CCL11: variants seen among roughly 807,000 people sequenced by gnomAD.
CCL11 encodes eotaxin.
Under a neutral mutation model 7.3 loss-of-function variants are expected in CCL11, and 7 were observed. The ratio of observed to expected loss-of-function variants is 0.96; its 90% CI spans 0.55 to 1.81. CCL11 has a LOEUF of 1.81. Among genes scored for constraint, CCL11 ranks in the 40% most tolerant of loss-of-function variants. The probability of loss-of-function intolerance (pLI) is 0.00; values close to 1 mark genes in which losing one functional copy is unlikely to be tolerated. For synonymous variants in CCL11, 66 were observed against 45.2 expected, an observed-to-expected ratio of 1.46 and a Z score of -1.84; for missense variants, 132 against 114.2, an observed-to-expected ratio of 1.16 and a Z score of -0.71.
intron 1 of CCL11, among the ~76,000 whole-genome samples, chr17:34,286,279 C>T (rs184000259): frequency 9.9e-5 from 15 of 152,208 alleles, no homozygotes; most frequent in South Asian, 2.1e-4. Flanking sequence ...AAGAGAAGAA[C>T]GAGGTCCCAG....
At position 34,285,879 on chromosome 17, in the gene CCL11, G is replaced by A; in HGVS notation, c.71G>A (p.Gly24Glu). 2 of 1,609,530 alleles carry A rather than the reference G, an allele frequency of 1.2e-6. No homozygotes were observed. Among genetic ancestry groups the A allele is most frequent in the Non-Finnish European group, 1.7e-6 (2 of 1,177,642 alleles). The change falls in exon 1 of 3, where the codon GGG becomes GAG. Residue 24 changes from glycine to glutamate, a missense_variant. Transcript: ENST00000305869. ...GCCTTCAGCCCCCAGGGGCTCGCTG[G>A]GCCAGGTAAGCCCCCCAACTCCTTA... is the stretch of plus-strand genomic sequence containing the variant. ...AAAFSPQGLA[G>E]PASVPTTCCF...
At chr17:34,285,909 AAAGGT>A in intron 1 of CCL11, 25 bp downstream of exon 1, 13 of 1,546,534 alleles carry the variant, frequency 8.4e-6, no homozygotes, top group Non-Finnish European at 1.2e-5. Context: ...TCCTTACAGG[AAAGGT>A]AAGGTAACCA....
At position 34,287,185 on chromosome 17, in the gene CCL11, A is replaced by T; in HGVS notation, c.166A>T (p.Lys56Ter). 1 of 1,613,438 alleles carries T rather than the reference A, an allele frequency of 6.2e-7. No homozygotes were observed. Among genetic ancestry groups the T allele is most frequent in the Non-Finnish European group, 8.5e-7 (1 of 1,179,388 alleles). ...GAGCTACAGGAGAATCACCAGTGGC[A>T]AATGTCCCCAGAAAGCTGTGATGTA... ...LESYRRITSG[K>*]CPQKAVIFKT... Residue 56 changes from lysine (K) to a stop codon, truncating the protein, a stop_gained, in exon 2 of 3, where the codon AAA becomes TAA. Transcript: ENST00000305869. LOFTEE classifies it low-confidence loss of function (END_TRUNC).
rs1429491045 is a variant in CCL11 at position 34,287,601 on chromosome 17, G to A, written c.205G>A (p.Ala69Thr). The A allele has an allele frequency of 3.7e-6, 6 of 1,613,446 alleles. No homozygotes were observed. The highest frequency in any genetic ancestry group is 1.3e-5 in the African/African-American group (1 of 74,882). ...QKAVIFKTKLAKDICADPKKK... is the reference protein window; with the variant it reads ...QKAVIFKTKLTKDICADPKKK... ...CTCCCACAGCTTCAAGACCAAACTG[G>A]CCAAGGATATCTGTGCCGACCCCAA... The change falls in exon 3 of 3, where the codon GCC becomes ACC. Residue 69 changes from alanine to threonine, a missense_variant. By Grantham distance (58) the Ala-to-Thr change is moderately conservative (BLOSUM62 0). Transcript: ENST00000305869.
chr17:34,286,472 A>G (rs571863770), intron 1 of CCL11, among the ~76,000 whole-genome samples: 1 of 152,350 alleles, frequency 6.6e-6, no homozygotes, highest in East Asian at 1.9e-4. Flanking sequence ...AATTAACTAA[A>G]TTAACAAAAG....
chr17:34,287,347 G>A (rs1908664880), intron 2 of CCL11, 140 bp downstream of exon 2: 1 of 680,356 alleles, frequency 1.5e-6, no homozygotes, highest in Non-Finnish European at 2.6e-6. Context: ...TTTCACAAGT[G>A]AGTGTTCACT....
intron 1 of CCL11, 145 bp from the exon 2 acceptor site, chr17:34,286,951 A>C (rs1908649675): frequency 8.4e-6 from 5 of 594,480 alleles, no homozygotes; most frequent in Admixed American, 2.6e-5. Context: ...GACACATAAG[A>C]CTTCAGAGCA....
chr17:34,287,083 C>T lies in CCL11; in HGVS notation c.77-13C>T, dbSNP rs1282793636. 3 of 1,576,690 alleles carry T rather than the reference C, an allele frequency of 1.9e-6. No individual in the cohort carries two copies. The highest frequency in any genetic ancestry group is 2.2e-5 in the East Asian group (1 of 44,650). On this transcript the variant is annotated splice_polypyrimidine_tract_variant and intron_variant, in intron 1 of 2. Coordinates refer to ENST00000305869, the MANE Select transcript of CCL11 (RefSeq NM_002986.3). The stretch of plus-strand genomic sequence containing the variant: ...ATTTTTTTCTCTGTTCATTTTTTTT[C>T]CCCAAAATTCAGCTTCTGTCCCAAC...
rs1339117925 is a variant in CCL11 at position 34,287,686 on chromosome 17, C to T, written c.290C>T (p.Pro97Leu). ...YLDQKSPTPK[P>L] is the part of the protein sequence containing the mutation. ...GACCAAAAATCTCCAACTCCAAAGC[C>T]ATAAATAATCACCATTTTTGAAACC... The change falls in exon 3 of 3, where the codon CCA becomes CTA. Residue 97 changes from proline to leucine, a missense_variant. Transcript: ENST00000305869. 6.2e-7 allele frequency: 1 copy of T among 1,606,044 alleles called. No homozygotes were observed. The highest frequency in any genetic ancestry group is 8.5e-7 in the Non-Finnish European group (1 of 1,172,844).
chr17:34,286,000 G>C lies in CCL11; in HGVS notation c.76+116G>C, dbSNP rs999167613. On this transcript the variant is annotated intron_variant, in intron 1 of 2. Coordinates refer to ENST00000305869, the MANE Select transcript of CCL11 (RefSeq NM_002986.3). ...CTCCATTTGAAAAATAGGGAAACAG[G>C]TTTTGTGGGTGGACAAGAAATGCCT... The C allele has an allele frequency of 1.4e-5, 10 of 698,102 alleles. No homozygotes were observed. In the African/African-American group the frequency reaches 1.8e-4, roughly 13 times the overall value. 43.2% of individuals were successfully genotyped at this position (698,102 alleles called of 1,614,324 possible). A position where few individuals can be genotyped will look rare whatever the true frequency, so the allele number is the denominator to read the frequency against.
rs1345202009 is a variant in CCL11 at position 34,285,845 on chromosome 17, A to C, written c.37A>C (p.Ile13Leu). 6.2e-7 allele frequency: 1 copy of C among 1,612,600 alleles called. No homozygotes were observed. Among genetic ancestry groups the C allele is most frequent in the East Asian group, 2.2e-5 (1 of 44,720 alleles). Reference sequence around the variant, plus strand: ...CGCAGCACTTCTGTGGCTGCTGCTCATAGCAGCTGCCTTCAGCCCCCAGGG... The same window carrying C: ...CGCAGCACTTCTGTGGCTGCTGCTCCTAGCAGCTGCCTTCAGCCCCCAGGG... ...VSAALLWLLL[I>L]AAAFSPQGLA... Residue 13 changes from isoleucine to leucine, a missense_variant, in exon 1 of 3, where the codon ATA becomes CTA. By Grantham distance (5) the Ile-to-Leu change is conservative. Transcript: ENST00000305869.
chr17:34,287,516 A>T, intron 2 of CCL11, 69 bp from the exon 3 acceptor site: 1 of 1,128,044 alleles, frequency 8.9e-7, no homozygotes, highest in Non-Finnish European at 1.4e-6. Flanking sequence ...ATGGTCCTTA[A>T]ATATTTAGGG....
rs1472707731 is a variant in CCL11, at chr17:34,287,188, T to G, written c.169T>G (p.Cys57Gly). ...ESYRRITSGK[C>G]PQKAVIFKTK... ...CTACAGGAGAATCACCAGTGGCAAA[T>G]GTCCCCAGAAAGCTGTGATGTAAGT... The change falls in exon 2 of 3, where the codon TGT becomes GGT. Residue 57 changes from cysteine to glycine, a missense_variant. Cys to Gly is a radical substitution (Grantham distance 159). Coordinates refer to ENST00000305869, the MANE Select transcript of CCL11 (RefSeq NM_002986.3). 3 of 1,613,212 alleles carry G rather than the reference T, an allele frequency of 1.9e-6. No individual in the cohort carries two copies. The highest frequency in any genetic ancestry group is 2.5e-6 in the Non-Finnish European group (3 of 1,179,336).
chr17:34,287,115 C>CT lies in CCL11; in HGVS notation c.97dup (p.Cys33LeufsTer3). On this transcript the variant is annotated frameshift_variant, in exon 2 of 3. Transcript: ENST00000305869. LOFTEE classifies it high-confidence loss of function. ...ATTCAGCTTCTGTCCCAACCACCTG[C>CT]TGCTTTAACCTGGCCAATAGGAAGA... 6.2e-7 allele frequency: 1 copy of CT among 1,613,830 alleles called. No homozygotes were observed. Among genetic ancestry groups the CT allele is most frequent in the Middle Eastern group, 1.6e-4 (1 of 6,062 alleles).
chr17:34,285,853 T>G lies in CCL11; in HGVS notation c.45T>G (p.Ala15=), dbSNP rs1427688275. The change falls in exon 1 of 3, where the codon GCT becomes GCG. Residue 15 remains alanine (A), a synonymous_variant. Transcript: ENST00000305869. ...AALLWLLLIA[A]AFSPQGLAGP... Reference sequence around the variant, plus strand: ...TTCTGTGGCTGCTGCTCATAGCAGCTGCCTTCAGCCCCCAGGGGCTCGCTG... The same window carrying G: ...TTCTGTGGCTGCTGCTCATAGCAGCGGCCTTCAGCCCCCAGGGGCTCGCTG... 3 of 1,612,496 alleles carry G rather than the reference T, an allele frequency of 1.9e-6. No individual in the cohort carries two copies.
intron 2 of CCL11, 77 bp downstream of exon 2, chr17:34,287,284 TG>T: frequency 9.5e-7 from 1 of 1,048,654 alleles, no homozygotes; most frequent in Non-Finnish European, 1.5e-6. Context: ...GTGTCACAGT[TG>T]CTGGGAGTCA....
Position 34,285,830 on chromosome 17 carries a change from C to G in CCL11, c.22C>G (p.Leu8Val), listed in dbSNP as rs201936607. 1.4e-5 allele frequency: 22 copies of G among 1,613,218 alleles called. No individual in the cohort carries two copies. The highest frequency in any genetic ancestry group is 1.3e-5 in the Non-Finnish European group (15 of 1,179,546). MKVSAAL[L>V]WLLLIAAAFS... is the part of the protein sequence containing the mutation. ...CAACATGAAGGTCTCCGCAGCACTTCTGTGGCTGCTGCTCATAGCAGCTGC... is the reference window on the plus strand; with the variant it reads ...CAACATGAAGGTCTCCGCAGCACTTGTGTGGCTGCTGCTCATAGCAGCTGC... The change falls in exon 1 of 3, where the codon CTG (leucine) becomes GTG (valine). Residue 8 changes from leucine (L) to valine (V), a missense_variant. Leu to Val is a conservative substitution (Grantham distance 32). Coordinates refer to ENST00000305869, the MANE Select transcript of CCL11 (RefSeq NM_002986.3).
At position 34,285,781 on chromosome 17, in the gene CCL11, G is replaced by T. The variant is rs201467666; in HGVS notation, c.-28G>T. The T allele has an allele frequency of 6.3e-7, 1 of 1,591,478 alleles. No individual in the cohort carries two copies. The highest frequency in any genetic ancestry group is 2.3e-5 in the East Asian group (1 of 44,188). Reference sequence around the variant, plus strand: ...CAACCCAGAAACCACCACCTCTCACGCCAAAGCTCACACCTTCAGCCTCCA... The same window carrying T: ...CAACCCAGAAACCACCACCTCTCACTCCAAAGCTCACACCTTCAGCCTCCA... On this transcript the variant is annotated 5_prime_UTR_variant, in exon 1 of 3. Coordinates refer to ENST00000305869, the MANE Select transcript of CCL11 (RefSeq NM_002986.3).
intron 1 of CCL11, 124 bp downstream of exon 1, chr17:34,286,008 G>T (rs1448798746): frequency 3.0e-6 from 2 of 666,164 alleles, no homozygotes; most frequent in East Asian, 5.7e-5. Context: ...AGGTTTTGTG[G>T]GTGGACAAGA....
Sources: gnomAD v4.1 joint callset for allele counts (sites outside exome capture counted in the v4.1 genomes callset) on GRCh38, gnomAD v4.1.1 for gene constraint, MANE v1.5 for transcripts, NCBI Gene and HGNC (gene_info 2026-07-23, HGNC 2026-07-21) for gene names.